DLG1: variants seen among roughly 807,000 people sequenced by gnomAD.
The protein encoded by DLG1 is disks large homolog 1.
Under a neutral mutation model 123.4 loss-of-function variants are expected in DLG1, and 42 were observed. That is an observed-to-expected ratio of 0.34 (90% CI 0.27 to 0.44). DLG1 has a LOEUF of 0.44. Among genes scored for constraint, DLG1 ranks in the 20% least tolerant of loss-of-function variants. The pLI is 1.00. For missense variants in DLG1, 942 were observed against 1,082.6 expected (o/e 0.87, Z 1.82); for synonymous variants, 317 against 356.2 (o/e 0.89, Z 1.24).
chr3:197,180,641 G>T (rs1809736041), intron 5 of DLG1, among the ~76,000 whole-genome samples: 1 of 152,192 alleles, frequency 6.6e-6, no homozygotes, highest in African/African-American at 2.4e-5. Context: ...GAGACAGTGT[G>T]TAAGCTATTT....
chr3:197,084,324 T>C (rs1752910725), intron 16 of DLG1, among the ~76,000 whole-genome samples: 1 of 151,840 alleles, frequency 6.6e-6, no homozygotes, highest in Non-Finnish European at 1.5e-5. Context: ...TTGTTTTTTT[T>C]TTTTTGAGTC....
chr3:197,090,955 A>G lies in DLG1; in HGVS notation c.1618T>C (p.Ser540Pro), dbSNP rs774665734. ...QMMNSSISSGSGSLRTSQKRS... is the reference protein window; with the variant it reads ...QMMNSSISSGPGSLRTSQKRS... ...TTCTGGCTAGTTCGAAGAGAACCTG[A>G]CCCTGAACTAATACTACTATTCATC... The change falls in exon 15 of 25, where the codon TCA becomes CCA. Residue 540 changes from serine to proline, a missense_variant. Coordinates refer to ENST00000667157, the MANE Select transcript of DLG1 (RefSeq NM_001366207.1). The G allele has an allele frequency of 2.5e-6, 4 of 1,612,022 alleles. No individual in the cohort carries two copies. The South Asian group carries it at 4.4e-5, about 18-fold the overall frequency.
chr3:197,164,500 T>C (rs1227339009), intron 5 of DLG1, among the ~76,000 whole-genome samples: 2 of 151,880 alleles, frequency 1.3e-5, no homozygotes, highest in Non-Finnish European at 2.9e-5. Context: ...TCCCATAAGG[T>C]GTTCTAAGGT....
At chr3:197,133,821 G>A (rs534242489) in intron 10 of DLG1, among the ~76,000 whole-genome samples, 24 of 152,258 alleles carry the variant, frequency 1.6e-4, no homozygotes, top group African/African-American at 5.5e-4. Context: ...GTGACTATTA[G>A]GCAAATGAAA....
rs1162011706 is a variant in DLG1 at position 197,043,062 on chromosome 3, C to CAACT, written c.*1557_*1560dup. The CAACT allele has an allele frequency of 6.6e-6, 1 of 152,116 alleles. No homozygotes were observed. Among genetic ancestry groups the CAACT allele is most frequent in the African/African-American group, 2.4e-5 (1 of 41,414 alleles). 9.4% of individuals were successfully genotyped at this position (152,116 alleles called of 1,614,324 possible). A position where few individuals can be genotyped will look rare whatever the true frequency, so the allele number is the denominator to read the frequency against. On this transcript the variant is annotated 3_prime_UTR_variant, in exon 25 of 25. Transcript: ENST00000667157. ...TTGTCAAAAACACATATTTAATAAA[C>CAACT]AACTCCAAAGAGCAATGGGAAGCCA... is the stretch of plus-strand genomic sequence containing the variant.
At chr3:197,106,524 C>G (rs1340310307) in intron 13 of DLG1, among the ~76,000 whole-genome samples, 1 of 150,302 alleles carries the variant, frequency 6.7e-6, no homozygotes, top group Non-Finnish European at 1.5e-5. Flanking sequence ...ATATAAAACT[C>G]AATACAATGT....
At chr3:197,214,554 C>T (rs542447587) in intron 4 of DLG1, among the ~76,000 whole-genome samples, 19 of 151,822 alleles carry the variant, frequency 1.3e-4, no homozygotes, top group Admixed American at 5.9e-4. Context: ...GCCTGGGCGA[C>T]AGAGCGAGAC....
intron 4 of DLG1, among the ~76,000 whole-genome samples, chr3:197,240,546 G>A (rs2150731430): frequency 6.6e-6 from 1 of 152,184 alleles, no homozygotes; most frequent in African/African-American, 2.4e-5. Flanking sequence ...ACCAATAACT[G>A]ACACTAATGA....
intron 3 of DLG1, among the ~76,000 whole-genome samples, chr3:197,286,660 C>T (rs1272965561): frequency 2.0e-5 from 3 of 152,140 alleles, no homozygotes; most frequent in East Asian, 1.9e-4. Flanking sequence ...CAAAGAGTGA[C>T]TACTAATGTA....
At chr3:197,271,254 A>G (rs1443322574) in intron 4 of DLG1, among the ~76,000 whole-genome samples, 7 of 152,162 alleles carry the variant, frequency 4.6e-5, no homozygotes, top group African/African-American at 1.7e-4. Flanking sequence ...ACAACCCTAA[A>G]GTATGGGGGA....
chr3:197,296,931 C>G lies in DLG1; in HGVS notation c.19+255G>C, dbSNP rs565686635. 33 of 496,122 alleles carry G rather than the reference C, an allele frequency of 6.7e-5. No homozygotes were observed. In the East Asian group the frequency reaches 1.0e-3, roughly 15 times the overall value. 30.7% of individuals were successfully genotyped at this position (496,122 alleles called of 1,614,324 possible). A position where few individuals can be genotyped will look rare whatever the true frequency, so the allele number is the denominator to read the frequency against. ...AGAGTGAAATACTAAAACACCAATT[C>G]AGGGTTATTAAGGACATCTGTTGGG... On this transcript the variant is annotated intron_variant, in intron 2 of 24. Coordinates refer to ENST00000667157, the MANE Select transcript of DLG1 (RefSeq NM_001366207.1).
intron 4 of DLG1, among the ~76,000 whole-genome samples, chr3:197,267,469 A>G (rs1160303864): frequency 6.6e-6 from 1 of 152,160 alleles, no homozygotes; most frequent in Non-Finnish European, 1.5e-5. Context: ...CACAGAGGCC[A>G]TTAGGAGAAA....
rs568697916 is a variant in DLG1 at position 197,047,892 on chromosome 3, A to G, written c.2576-3163T>C. Among the ~76,000 whole-genome samples, 6 of 152,346 alleles carry G rather than the reference A, an allele frequency of 3.9e-5. No individual in the cohort carries two copies. In the East Asian group the frequency reaches 1.2e-3, roughly 29 times the overall value. On this transcript the variant is annotated intron_variant, in intron 24 of 24. Coordinates refer to ENST00000667157, the MANE Select transcript of DLG1 (RefSeq NM_001366207.1). ...TTTTTTGGAAAGCACAGGCAGCAAAATAAAAAATCATCAAGTGGGATATTA... is the reference window on the plus strand; with the variant it reads ...TTTTTTGGAAAGCACAGGCAGCAAAGTAAAAAATCATCAAGTGGGATATTA...
At chr3:197,155,980 TAAAC>T (rs1310407127) in intron 5 of DLG1, among the ~76,000 whole-genome samples, 2 of 151,704 alleles carry the variant, frequency 1.3e-5, no homozygotes, top group Non-Finnish European at 2.9e-5. Context: ...CTAATATTAA[TAAAC>T]AAAGTCAATA....
chr3:197,068,512 G>C (rs1226224245), intron 19 of DLG1: 1 of 1,581,118 alleles, frequency 6.3e-7, no homozygotes, highest in East Asian at 2.2e-5. Context: ...CTTTTGAGCA[G>C]CCATACTCAT....
chr3:197,171,058 T>C (rs900882546), intron 5 of DLG1, among the ~76,000 whole-genome samples: 1 of 152,220 alleles, frequency 6.6e-6, no homozygotes, highest in Non-Finnish European at 1.5e-5. Context: ...GCATAATTAA[T>C]ATTCCTAATC....
chr3:197,110,337 T>C (rs1007962417), intron 13 of DLG1, among the ~76,000 whole-genome samples: 2 of 152,214 alleles, frequency 1.3e-5, no homozygotes, highest in Non-Finnish European at 2.9e-5. Context: ...GAATTTCTAT[T>C]TGGTTCTTAC....
At chr3:197,203,018 T>C (rs549237928) in intron 4 of DLG1, among the ~76,000 whole-genome samples, 2 of 152,258 alleles carry the variant, frequency 1.3e-5, no homozygotes, top group Admixed American at 1.3e-4. Context: ...ATGCCTGTAA[T>C]CCCCAGCACT....
intron 13 of DLG1, among the ~76,000 whole-genome samples, chr3:197,112,984 T>C (rs530354185): frequency 2.0e-5 from 3 of 152,290 alleles, no homozygotes; most frequent in East Asian, 1.9e-4. Flanking sequence ...CCTGTGAACA[T>C]AGTCTCTGAT....
Sources: allele counts gnomAD v4.1 joint callset (sites outside exome capture counted in the v4.1 genomes callset), GRCh38; gene constraint gnomAD v4.1.1; transcripts MANE v1.5; gene names NCBI Gene and HGNC (gene_info 2026-07-23, HGNC 2026-07-21).